ITGBL1: variants seen among roughly 807,000 people sequenced by gnomAD.
ITGBL1 encodes the protein integrin subunit beta like 1.
ITGBL1 carries 51 observed loss-of-function variants against 68.5 expected under a neutral mutation model. That is an observed-to-expected ratio of 0.74 (90% CI 0.59 to 0.94). The LOEUF (loss-of-function observed/expected upper bound fraction) is 0.94, where lower values mean the gene tolerates loss of function less well. ITGBL1 is among the 40% of genes least tolerant of loss of function. ITGBL1 has a pLI of 0.00. For synonymous variants in ITGBL1, 209 were observed against 227.3 expected (o/e 0.92, Z 0.72); for missense variants, 649 against 647.4 (o/e 1.00, Z -0.03).
At chr13:101,471,742 G>A (rs905441841) in intron 2 of ITGBL1, among the ~76,000 whole-genome samples, 1 of 152,106 alleles carries the variant, frequency 6.6e-6, no homozygotes, top group African/African-American at 2.4e-5. Flanking sequence ...AAATACTTGA[G>A]ATCTCTTAAA....
chr13:101,528,283 T>C (rs1305110350), intron 2 of ITGBL1, among the ~76,000 whole-genome samples: 1 of 147,966 alleles, frequency 6.8e-6, no homozygotes, highest in Non-Finnish European at 1.5e-5. Context: ...AATATTGTCT[T>C]ATTGCCTTTA....
intron 7 of ITGBL1, among the ~76,000 whole-genome samples, chr13:101,667,347 G>A (rs568776045): frequency 6.6e-6 from 1 of 152,092 alleles, no homozygotes; most frequent in African/African-American, 2.4e-5. Flanking sequence ...GCTTGCATTG[G>A]AAGAGAAACT....
chr13:101,605,011 C>T (rs183707042), intron 7 of ITGBL1, among the ~76,000 whole-genome samples: 4,777 of 118,528 alleles, frequency 0.04, 153 homozygotes, highest in Middle Eastern at 0.064. Context: ...TACATATATG[C>T]GTATATGTGT....
intron 9 of ITGBL1, chr13:101,711,993 A>T (rs1372880788): frequency 6.6e-6 from 1 of 152,240 alleles, no homozygotes; most frequent in Non-Finnish European, 1.5e-5. Context: ...CATGCAGCCT[A>T]CATCTGTCTG....
intron 2 of ITGBL1, among the ~76,000 whole-genome samples, chr13:101,470,863 T>C (rs993038465): frequency 2.0e-5 from 3 of 151,208 alleles, no homozygotes; most frequent in Non-Finnish European, 4.4e-5. Flanking sequence ...TTATTTAGAA[T>C]TGCTACATCC....
intron 2 of ITGBL1, among the ~76,000 whole-genome samples, chr13:101,540,240 G>T (rs1368378227): frequency 6.6e-6 from 1 of 152,150 alleles, no homozygotes; most frequent in African/African-American, 2.4e-5. Context: ...TAAGGTGTAA[G>T]GAAGGGATCC....
intron 7 of ITGBL1, among the ~76,000 whole-genome samples, chr13:101,678,821 G>T (rs373525577): frequency 4.0e-5 from 6 of 151,844 alleles, no homozygotes; most frequent in Non-Finnish European, 8.8e-5. Flanking sequence ...GTTTTAAAGC[G>T]TTAGTACCAA....
chr13:101,560,173 T>C (rs959163315), intron 2 of ITGBL1, among the ~76,000 whole-genome samples: 2 of 152,198 alleles, frequency 1.3e-5, no homozygotes, highest in Non-Finnish European at 2.9e-5. Context: ...GATGTTACAT[T>C]GTTTTTTTGT....
intron 7 of ITGBL1, among the ~76,000 whole-genome samples, chr13:101,637,341 ATT>A (rs58584687): frequency 0.091 from 11,424 of 125,660 alleles, 436 homozygotes; most frequent in African/African-American, 0.16. Context: ...TTGGAACAGT[ATT>A]TTTTTTTTTT....
chr13:101,541,901 A>G (rs1244498656), intron 2 of ITGBL1, among the ~76,000 whole-genome samples: 2 of 152,028 alleles, frequency 1.3e-5, no homozygotes, highest in Non-Finnish European at 2.9e-5. Context: ...TGGTGGTGAT[A>G]TCCCCTTTAT....
At chr13:101,667,910 A>AC (rs888959164) in intron 7 of ITGBL1, among the ~76,000 whole-genome samples, 2 of 151,910 alleles carry the variant, frequency 1.3e-5, no homozygotes, top group Admixed American at 6.6e-5. Context: ...TAAAAAAAAA[A>AC]AAACCCCAAA....
At chr13:101,673,878 C>G (rs2033436973) in intron 7 of ITGBL1, among the ~76,000 whole-genome samples, 1 of 152,156 alleles carries the variant, frequency 6.6e-6, no homozygotes, top group Non-Finnish European at 1.5e-5. Context: ...GACTCCTAAT[C>G]AGCAATCACT....
At chr13:101,486,872 C>G (rs1450399261) in intron 2 of ITGBL1, among the ~76,000 whole-genome samples, 1 of 152,070 alleles carries the variant, frequency 6.6e-6, no homozygotes, top group Non-Finnish European at 1.5e-5. Context: ...GGTTTAATTT[C>G]ACACACCCAA....
chr13:101,490,159 G>A lies in ITGBL1; in HGVS notation c.316+36059G>A, dbSNP rs118162787. On this transcript the variant is annotated intron_variant, in intron 2 of 10. Coordinates refer to ENST00000376180, the MANE Select transcript of ITGBL1 (RefSeq NM_004791.3). ...TAGGTTTAGTTGAGTACATGAGGGT[G>A]GGGCCCCATAATGGGATCAGTACCT... Among the ~76,000 whole-genome samples, 404 of 152,152 alleles carry A rather than the reference G, an allele frequency of 2.7e-3. 16 individuals are homozygous for A. In the East Asian group the frequency reaches 0.061, roughly 23 times the overall value.
At chr13:101,510,749 T>A (rs1566708522) in intron 2 of ITGBL1, among the ~76,000 whole-genome samples, 1 of 152,246 alleles carries the variant, frequency 6.6e-6, no homozygotes, top group East Asian at 1.9e-4. Context: ...TGATGATTAG[T>A]GATGAGCATT....
At chr13:101,580,864 C>T (rs1036833558) in intron 5 of ITGBL1, among the ~76,000 whole-genome samples, 2 of 152,160 alleles carry the variant, frequency 1.3e-5, no homozygotes, top group East Asian at 1.9e-4. Flanking sequence ...GCTAAGCCAC[C>T]TGCATCCCAC....
At chr13:101,527,057 A>G (rs1452378653) in intron 2 of ITGBL1, among the ~76,000 whole-genome samples, 2 of 152,082 alleles carry the variant, frequency 1.3e-5, no homozygotes, top group African/African-American at 4.8e-5. Context: ...CAGACACCCT[A>G]GTTATGTCTC....
intron 2 of ITGBL1, among the ~76,000 whole-genome samples, chr13:101,455,095 A>T (rs1246791806): frequency 6.6e-6 from 1 of 152,224 alleles, no homozygotes; most frequent in Non-Finnish European, 1.5e-5. Context: ...AACACAATGC[A>T]TTCCAGCCAG....
chr13:101,579,455 A>G (rs1008843473), intron 5 of ITGBL1, 28 bp downstream of exon 5: 1 of 1,604,950 alleles, frequency 6.2e-7, no homozygotes, highest in Admixed American at 1.7e-5. Flanking sequence ...GTTACTACAT[A>G]ATGGGGAGGC....
Sources: allele counts gnomAD v4.1 joint callset (sites outside exome capture counted in the v4.1 genomes callset), GRCh38; gene constraint gnomAD v4.1.1; transcripts MANE v1.5; gene names NCBI Gene and HGNC (gene_info 2026-07-23, HGNC 2026-07-21).